TIAM1: variants seen among roughly 807,000 people sequenced by gnomAD.
The protein encoded by TIAM1 is TIAM Rac1 associated GEF 1, also known as rho guanine nucleotide exchange factor TIAM1.
TIAM1 carries 65 observed loss-of-function variants against 163.5 expected under a neutral mutation model. That is an observed-to-expected ratio of 0.40 (90% CI 0.33 to 0.49). The LOEUF is 0.49. Among genes scored for constraint, TIAM1 ranks in the 20% least tolerant of loss-of-function variants. TIAM1 has a pLI of 0.77. For synonymous variants in TIAM1, 833 were observed against 810.1 expected (o/e 1.03, Z -0.48); for missense variants, 1,789 against 2,044.7 (o/e 0.87, Z 2.41).
At position 31,266,149 on chromosome 21, in the gene TIAM1, G is replaced by A. The variant is rs747634687; in HGVS notation, c.824C>T (p.Ala275Val). Residue 275 changes from alanine (A) to valine (V), a missense_variant, in exon 4 of 28, where the codon GCT becomes GTT. Coordinates refer to ENST00000541036, the MANE Select transcript of TIAM1 (RefSeq NM_001353694.2). ...PNLANHKMPP[A>V]AAEETPPYSN... ...GTACGGAGGAGTCTCTTCAGCAGCA[G>A]CTGGTGGCATCTTATGGTTTGCAAG... The A allele has an allele frequency of 7.4e-6, 12 of 1,614,076 alleles. No individual in the cohort carries two copies. Among genetic ancestry groups the A allele is most frequent in the Non-Finnish European group, 1.0e-5 (12 of 1,180,056 alleles).
intron 1 of TIAM1, among the ~76,000 whole-genome samples, chr21:31,465,521 G>A (rs1401607837): frequency 6.6e-6 from 1 of 151,578 alleles, no homozygotes; most frequent in Non-Finnish European, 1.5e-5. Flanking sequence ...TCTTAACAAG[G>A]AGAACCAGCC....
chr21:31,474,193 A>G (rs531208032), intron 1 of TIAM1, among the ~76,000 whole-genome samples: 14 of 151,900 alleles, frequency 9.2e-5, no homozygotes, highest in African/African-American at 3.4e-4. Context: ...TGACCCAAAC[A>G]CCTCCTGCCA....
intron 4 of TIAM1, among the ~76,000 whole-genome samples, chr21:31,253,555 A>G (rs1369095747): frequency 6.6e-6 from 1 of 152,210 alleles, no homozygotes; most frequent in Non-Finnish European, 1.5e-5. Context: ...AAGAAATACT[A>G]AATAAGCAAC....
intron 1 of TIAM1, among the ~76,000 whole-genome samples, chr21:31,340,515 G>A (rs1027184971): frequency 2.3e-4 from 35 of 152,208 alleles, no homozygotes; most frequent in Admixed American, 2.0e-4. Context: ...CTATCTTCAC[G>A]TTTAATTCTT....
In TIAM1 at chr21:31,375,119, T is replaced by C. The variant is rs1040588804; in HGVS notation, c.-368-35697A>G. ...GAGAAATATACCCACTTTTGAACTC[T>C]TAATTTTGGCTCTTTATTCTTTACT... On this transcript the variant is annotated intron_variant, in intron 2 of 28. Coordinates refer to the TIAM1 transcript ENST00000286827. Among the ~76,000 whole-genome samples the C allele has an allele frequency of 1.2e-4, 18 of 152,384 alleles. No individual in the cohort carries two copies. The South Asian group carries it at 3.5e-3, about 30-fold the overall frequency.
rs187286693 is a variant in TIAM1, at chr21:31,296,801, C to T, written c.-188-19893G>A. ...GCCTCAGCCTCCAGAGTAGCTGGGACTACAGGCATGTGCCACCACGCCCAG... is the reference window on the plus strand; with the variant it reads ...GCCTCAGCCTCCAGAGTAGCTGGGATTACAGGCATGTGCCACCACGCCCAG... On this transcript the variant is annotated intron_variant, in intron 2 of 27. Coordinates refer to ENST00000541036, the MANE Select transcript of TIAM1 (RefSeq NM_001353694.2). 4.9e-3 allele frequency among the ~76,000 whole-genome samples: 750 copies of T among 152,168 alleles called. 2 individuals carry two copies. Among genetic ancestry groups the T allele is most frequent in the Middle Eastern group, 0.031 (9 of 294 alleles).
intron 1 of TIAM1, among the ~76,000 whole-genome samples, chr21:31,485,394 C>T (rs8131201): frequency 0.34 from 52,064 of 152,042 alleles, 9,208 homozygotes; most frequent in Non-Finnish European, 0.37. Context: ...CAATTTTTAA[C>T]TCACTGTAGC....
chr21:31,160,945 T>C (rs1003488927), intron 16 of TIAM1: 2 of 156,334 alleles, frequency 1.3e-5, no homozygotes, highest in East Asian at 1.9e-4. Flanking sequence ...TTGGCCAGCA[T>C]CCTGCACTGC....
rs976325932 is a variant in TIAM1 at position 31,119,374 on chromosome 21, T to TC, written c.*993dup. The TC allele has an allele frequency of 6.6e-6, 1 of 151,588 alleles. No homozygotes were observed. Among genetic ancestry groups the TC allele is most frequent in the African/African-American group, 2.4e-5 (1 of 41,088 alleles). The allele number at this position is 151,588 out of a possible 1,614,324, so 9.4% of individuals were successfully genotyped here. A position where few individuals can be genotyped will look rare whatever the true frequency, so the allele number is the denominator to read the frequency against. ...CATGGCAACCCCATGAGAAGGAGGC[T>TC]CCCCTCCCTGCCATGTGCAACAGAC... On this transcript the variant is annotated 3_prime_UTR_variant, in exon 28 of 28. Coordinates refer to ENST00000541036, the MANE Select transcript of TIAM1 (RefSeq NM_001353694.2).
intron 1 of TIAM1, among the ~76,000 whole-genome samples, chr21:31,551,196 AGAGT>A (rs1463311194): frequency 6.6e-6 from 1 of 152,144 alleles, no homozygotes; most frequent in East Asian, 1.9e-4. Flanking sequence ...CCTGGGCAAC[AGAGT>A]GAGACTCCAT....
At chr21:31,289,089 C>T (rs897132914) in intron 2 of TIAM1, among the ~76,000 whole-genome samples, 2 of 152,220 alleles carry the variant, frequency 1.3e-5, no homozygotes, top group Non-Finnish European at 2.9e-5. Context: ...CCAAGTGCCA[C>T]TTAAACACAT....
rs1249049864 is a variant in TIAM1, at chr21:31,223,406, C to G, written c.1995G>C (p.Leu665=). The G allele has an allele frequency of 6.2e-7, 1 of 1,608,458 alleles. No individual in the cohort carries two copies. ...GIFSVSSFHA[L]VAARTGETGV... ...CAAAAATTCATTAGCTTCTACTCAC[C>G]AGGGCATGAAACGATGATACCGAAA... The change falls in exon 8 of 28, where the codon CTG becomes CTC. Residue 665 remains leucine, a splice_region_variant and synonymous_variant. Transcript: ENST00000541036.
intron 1 of TIAM1, among the ~76,000 whole-genome samples, chr21:31,477,937 A>T (rs910381939): frequency 2.6e-5 from 4 of 152,326 alleles, no homozygotes; most frequent in Admixed American, 6.5e-5. Flanking sequence ...GAATGGCCCT[A>T]TGTTAGTTTA....
intron 1 of TIAM1, among the ~76,000 whole-genome samples, chr21:31,540,928 G>A (rs959916816): frequency 2.6e-5 from 4 of 152,118 alleles, no homozygotes; most frequent in Admixed American, 6.6e-5. Context: ...TTAAGATTCC[G>A]TTGCTAGTTA....
intron 11 of TIAM1, among the ~76,000 whole-genome samples, chr21:31,205,245 G>A (rs966914191): frequency 3.3e-5 from 5 of 152,192 alleles, no homozygotes; most frequent in African/African-American, 4.8e-5. Context: ...TCTTTAATTA[G>A]AAGCAAAAAT....
intron 1 of TIAM1, among the ~76,000 whole-genome samples, chr21:31,342,847 T>A (rs1380309664): frequency 1.3e-5 from 2 of 152,220 alleles, no homozygotes; most frequent in East Asian, 3.8e-4. Flanking sequence ...ATCTTTAACT[T>A]CAAGGAAGTG....
chr21:31,381,084 C>T (rs571048844), intron 2 of TIAM1, among the ~76,000 whole-genome samples: 56 of 152,028 alleles, frequency 3.7e-4, no homozygotes, highest in African/African-American at 1.3e-3. Flanking sequence ...ATATACTAAA[C>T]CTTGCTAGAA....
intron 2 of TIAM1, among the ~76,000 whole-genome samples, chr21:31,429,492 G>T (rs954873856): frequency 6.6e-6 from 1 of 152,168 alleles, no homozygotes; most frequent in Admixed American, 6.6e-5. Context: ...AATAAAAATT[G>T]GAAATACACC....
intron 2 of TIAM1, among the ~76,000 whole-genome samples, chr21:31,429,605 G>A (rs546446535): frequency 6.6e-6 from 1 of 152,248 alleles, no homozygotes; most frequent in South Asian, 2.1e-4. Flanking sequence ...AGCCATGGGG[G>A]AGTTTGCACA....
Sources: allele counts gnomAD v4.1 joint callset (sites outside exome capture counted in the v4.1 genomes callset), GRCh38; gene constraint gnomAD v4.1.1; transcripts MANE v1.5; gene names NCBI Gene and HGNC (gene_info 2026-07-23, HGNC 2026-07-21).